The following UBE4B variants were observed in gnomAD, a reference collection of about 807,000 sequenced individuals.
The protein encoded by UBE4B is ubiquitin conjugation factor E4 B.
A neutral mutation model predicts 148.1 loss-of-function variants in UBE4B; 27 were observed. That is an observed-to-expected ratio of 0.18 (90% CI 0.13 to 0.25). The LOEUF (loss-of-function observed/expected upper bound fraction) is 0.25, where lower values mean the gene tolerates loss of function less well. UBE4B is among the 10% of genes least tolerant of loss of function. The pLI is 1.00. For missense variants in UBE4B, 1,170 were observed against 1,662.4 expected (o/e 0.70, Z 5.15); for synonymous variants, 596 against 619.3 (o/e 0.96, Z 0.56).
intron 7 of UBE4B, among the ~76,000 whole-genome samples, chr1:10,114,571 A>G (rs1645275448): frequency 1.3e-5 from 2 of 152,088 alleles, no homozygotes; most frequent in South Asian, 4.1e-4. Flanking sequence ...TGCTATAAAG[A>G]CACAATAATT....
Position 10,149,260 on chromosome 1 carries a change from G to A in UBE4B, c.2668G>A (p.Glu890Lys). ...TGAGTTTTATGTAGAAGATGTTGCAGAATTTTTATTTTTTATTGTACAGTA... is the reference window on the plus strand; with the variant it reads ...TGAGTTTTATGTAGAAGATGTTGCAAAATTTTTATTTTTTATTGTACAGTA... ...LPEFYVEDVAEFLFFIVQYSP... is the reference protein window; with the variant it reads ...LPEFYVEDVAKFLFFIVQYSP... Residue 890 changes from glutamate (E) to lysine (K), a missense_variant, in exon 20 of 28, where the codon GAA (glutamate) becomes AAA (lysine). Transcript: ENST00000343090. 6.2e-7 allele frequency: 1 copy of A among 1,608,116 alleles called. No homozygotes were observed. The highest frequency in any genetic ancestry group is 8.5e-7 in the Non-Finnish European group (1 of 1,178,336).
intron 2 of UBE4B, among the ~76,000 whole-genome samples, chr1:10,090,998 A>G (rs1644839149): frequency 6.6e-6 from 1 of 152,130 alleles, no homozygotes; most frequent in Non-Finnish European, 1.5e-5. Flanking sequence ...AGAATGCATA[A>G]TTTCCTTTAG....
intron 4 of UBE4B, among the ~76,000 whole-genome samples, 164 bp from the exon 5 acceptor site, chr1:10,102,784 A>G (rs1333784978): frequency 6.6e-5 from 10 of 152,170 alleles, no homozygotes; most frequent in Admixed American, 1.3e-4. Flanking sequence ...CTTTGATGTT[A>G]TAGGAATAGG....
At chr1:10,061,592 TG>T (rs1424401647) in intron 1 of UBE4B, among the ~76,000 whole-genome samples, 1 of 152,098 alleles carries the variant, frequency 6.6e-6, no homozygotes, top group Non-Finnish European at 1.5e-5. Context: ...GGGCATTGCC[TG>T]GGAGAGTCAT....
chr1:10,122,634 A>G (rs1645429193), intron 10 of UBE4B, among the ~76,000 whole-genome samples: 1 of 152,252 alleles, frequency 6.6e-6, no homozygotes, highest in Non-Finnish European at 1.5e-5. Flanking sequence ...GTGCTTAAAA[A>G]TAAAGCTGTG....
At chr1:10,035,738 A>AT (rs1194614875) in intron 1 of UBE4B, among the ~76,000 whole-genome samples, 26 of 123,996 alleles carry the variant, frequency 2.1e-4, no homozygotes, top group African/African-American at 1.5e-4. Flanking sequence ...TTTATTTTTT[A>AT]TTTATTTTAT....
At chr1:10,093,897 A>G (rs1439217921) in intron 2 of UBE4B, among the ~76,000 whole-genome samples, 1 of 151,726 alleles carries the variant, frequency 6.6e-6, no homozygotes, top group African/African-American at 2.4e-5. Context: ...GTTTCACCAC[A>G]TTGGCCATGC....
intron 25 of UBE4B, among the ~76,000 whole-genome samples, chr1:10,172,829 C>G (rs945818809): frequency 1.3e-5 from 2 of 152,104 alleles, no homozygotes; most frequent in African/African-American, 4.8e-5. Context: ...TCTGTCGATG[C>G]TGGACCACAA....
At chr1:10,123,427 C>CAA (rs34527607) in intron 10 of UBE4B, among the ~76,000 whole-genome samples, 429 of 35,584 alleles carry the variant, frequency 0.012, 26 homozygotes, top group South Asian at 0.029. Context: ...AAGACTGTCT[C>CAA]AAAAAAAAAA....
chr1:10,074,203 C>T (rs990869818), intron 2 of UBE4B, among the ~76,000 whole-genome samples: 19 of 152,034 alleles, frequency 1.2e-4, no homozygotes, highest in Admixed American at 9.8e-4. Context: ...CCTGTATGTG[C>T]GCCTGGTTCT....
chr1:10,137,264 A>G, intron 17 of UBE4B, 59 bp downstream of exon 17: 2 of 1,603,946 alleles, frequency 1.2e-6, no homozygotes, highest in African/African-American at 1.3e-5. Flanking sequence ...TCTCAGGGGC[A>G]GGCAATTCCA....
At chr1:10,120,910 A>T (rs1442895305) in intron 9 of UBE4B, among the ~76,000 whole-genome samples, 1 of 152,196 alleles carries the variant, frequency 6.6e-6, no homozygotes, top group Non-Finnish European at 1.5e-5. Context: ...AGGTGTTCTT[A>T]TGTTATTTTG....
At chr1:10,094,500 C>G (rs773941458) in intron 2 of UBE4B, among the ~76,000 whole-genome samples, 6 of 150,306 alleles carry the variant, frequency 4.0e-5, no homozygotes, top group Non-Finnish European at 7.4e-5. Flanking sequence ...ATGGCGCAAT[C>G]TTGGCTCACT....
chr1:10,059,900 A>G (rs1298773341), intron 1 of UBE4B, among the ~76,000 whole-genome samples: 1 of 152,146 alleles, frequency 6.6e-6, no homozygotes, highest in African/African-American at 2.4e-5. Context: ...TCTACCCAGG[A>G]GAGCTGAGGG....
chr1:10,167,441 A>AAAAAATAATAATAAT (rs371641855), intron 23 of UBE4B, among the ~76,000 whole-genome samples: 5 of 147,184 alleles, frequency 3.4e-5, no homozygotes, highest in African/African-American at 7.6e-5. Context: ...CCGTCTCAAA[A>AAAAAATAATAATAAT]AATAATAATA....
chr1:10,060,074 T>C (rs1167313823), intron 1 of UBE4B, among the ~76,000 whole-genome samples: 2 of 151,962 alleles, frequency 1.3e-5, no homozygotes, highest in Non-Finnish European at 2.9e-5. Context: ...AGTCGTCAGG[T>C]CCCTGTGTGT....
At position 10,180,040 on chromosome 1, in the gene UBE4B, C is replaced by T. The variant is rs144033579; in HGVS notation, c.*84C>T. 6.3e-7 allele frequency: 1 copy of T among 1,582,020 alleles called. No homozygotes were observed. Among genetic ancestry groups the T allele is most frequent in the Non-Finnish European group, 8.6e-7 (1 of 1,157,476 alleles). ...CAGCGGCCGCAGCGAAGCTGCCGTT[C>T]ATGTGTTGGAGGCCAAATGTGGCAA... On this transcript the variant is annotated 3_prime_UTR_variant, in exon 28 of 28. Coordinates refer to ENST00000343090, the MANE Select transcript of UBE4B (RefSeq NM_001105562.3).
chr1:10,098,179 A>C (rs1644958587), intron 3 of UBE4B, among the ~76,000 whole-genome samples: 1 of 152,174 alleles, frequency 6.6e-6, no homozygotes, highest in Non-Finnish European at 1.5e-5. Flanking sequence ...GTTTGCTTTA[A>C]AATAATACAA....
rs74962667 is a variant in UBE4B at position 10,046,232 on chromosome 1, G to A, written c.24+12538G>A. On this transcript the variant is annotated intron_variant, in intron 1 of 27. Coordinates refer to ENST00000343090, the MANE Select transcript of UBE4B (RefSeq NM_001105562.3). ...TACTTGCTGGGAAGGCTGAGAAATA[G>A]TTTTTCTTGGGCAGCCATGTGTTCA... 9.9e-3 allele frequency among the ~76,000 whole-genome samples: 1,504 copies of A among 152,268 alleles called. 21 individuals carry two copies. Among genetic ancestry groups the A allele is most frequent in the African/African-American group, 0.034 (1,430 of 41,564 alleles).
Sources: allele counts gnomAD v4.1 joint callset (sites outside exome capture counted in the v4.1 genomes callset), GRCh38; gene constraint gnomAD v4.1.1; transcripts MANE v1.5; gene names NCBI Gene and HGNC (gene_info 2026-07-23, HGNC 2026-07-21).